Variants in LRRC4C observed in about 807,000 individuals in gnomAD.
LRRC4C encodes leucine-rich repeat-containing protein 4C.
A neutral mutation model predicts 33.6 loss-of-function variants in LRRC4C; 5 were observed. That is an observed-to-expected ratio of 0.15 (90% CI 0.08 to 0.31). The LOEUF (loss-of-function observed/expected upper bound fraction) is 0.31. LRRC4C is among the 10% of genes least tolerant of loss of function. LRRC4C has a pLI of 1.00. For missense variants in LRRC4C, 560 were observed against 796.7 expected, an observed-to-expected ratio of 0.70 and a Z score of 3.58; for synonymous variants, 329 against 302.0, an observed-to-expected ratio of 1.09 and a Z score of -0.93.
intron 1 of LRRC4C, among the ~76,000 whole-genome samples, chr11:41,355,087 C>T (rs928741547): frequency 1.3e-5 from 2 of 152,018 alleles, no homozygotes; most frequent in African/African-American, 4.8e-5. Flanking sequence ...TATGTGCTAA[C>T]TCTGCATGTG....
At chr11:41,416,599 A>G (rs535952928) in intron 1 of LRRC4C, among the ~76,000 whole-genome samples, 2 of 152,050 alleles carry the variant, frequency 1.3e-5, no homozygotes, top group East Asian at 3.9e-4. Flanking sequence ...TCTTTTCTGA[A>G]TCTCATGGCT....
chr11:40,814,420 G>A (rs184350280), intron 2 of LRRC4C, among the ~76,000 whole-genome samples: 1 of 152,102 alleles, frequency 6.6e-6, no homozygotes, highest in Admixed American at 6.6e-5. Context: ...CACAGTAGGG[G>A]GACCCTGGAC....
chr11:41,405,102 A>G (rs1316911480), intron 1 of LRRC4C, among the ~76,000 whole-genome samples: 1 of 152,150 alleles, frequency 6.6e-6, no homozygotes, highest in Non-Finnish European at 1.5e-5. Context: ...ATATGATTAG[A>G]GCTTTTTGGA....
intron 1 of LRRC4C, among the ~76,000 whole-genome samples, chr11:41,021,212 AGAGTGTGT>A (rs1200681471): frequency 7.5e-6 from 1 of 133,580 alleles, no homozygotes; most frequent in African/African-American, 2.9e-5. Context: ...AGAGAGAGAG[AGAGTGTGT>A]GTGTGTGTGT....
chr11:40,737,449 T>C (rs557296993), intron 2 of LRRC4C, among the ~76,000 whole-genome samples: 12 of 152,160 alleles, frequency 7.9e-5, no homozygotes, highest in Non-Finnish European at 1.8e-4. Flanking sequence ...GCAGATGACA[T>C]GATTGTATAT....
intron 2 of LRRC4C, among the ~76,000 whole-genome samples, chr11:40,750,659 G>T (rs1948645845): frequency 8.8e-6 from 1 of 114,026 alleles, no homozygotes; most frequent in Non-Finnish European, 1.7e-5. Context: ...GTTGTGGGGT[G>T]GGGGGAGGGG....
intron 1 of LRRC4C, among the ~76,000 whole-genome samples, chr11:41,295,365 G>A (rs115955402): frequency 0.015 from 2,333 of 152,246 alleles, 52 homozygotes; most frequent in African/African-American, 0.052. Flanking sequence ...AAAGCAGATA[G>A]TAAATAAAAT....
intron 2 of LRRC4C, among the ~76,000 whole-genome samples, chr11:40,797,243 G>A (rs1256449548): frequency 6.6e-6 from 1 of 152,036 alleles, no homozygotes; most frequent in African/African-American, 2.4e-5. Flanking sequence ...CTCTGATTGG[G>A]ATATAAAAAT....
chr11:41,122,489 A>AAT (rs1555081256), intron 1 of LRRC4C, among the ~76,000 whole-genome samples: 7 of 151,864 alleles, frequency 4.6e-5, no homozygotes, highest in South Asian at 2.1e-4. Context: ...TTCAACTGAT[A>AAT]ATATATATAT....
intron 3 of LRRC4C, among the ~76,000 whole-genome samples, chr11:40,421,226 A>G (rs1022439013): frequency 2.0e-5 from 3 of 152,216 alleles, no homozygotes; most frequent in African/African-American, 7.2e-5. Context: ...GCTGAATTCA[A>G]TAGGACAGAT....
At chr11:40,834,729 G>C (rs1453472214) in intron 2 of LRRC4C, among the ~76,000 whole-genome samples, 1 of 152,016 alleles carries the variant, frequency 6.6e-6, no homozygotes, top group Non-Finnish European at 1.5e-5. Context: ...AATGGACACA[G>C]GCTAAACACA....
intron 3 of LRRC4C, among the ~76,000 whole-genome samples, chr11:40,449,187 G>C (rs1951778116): frequency 1.3e-5 from 2 of 152,004 alleles, no homozygotes; most frequent in Non-Finnish European, 2.9e-5. Context: ...CTTCAATTCT[G>C]TAGGTTGTTC....
chr11:40,410,145 A>C (rs1342995828), intron 3 of LRRC4C, among the ~76,000 whole-genome samples: 1 of 152,076 alleles, frequency 6.6e-6, no homozygotes, highest in East Asian at 1.9e-4. Flanking sequence ...TTACAGAAAA[A>C]AAAAATTGCT....
At chr11:40,666,478 G>T (rs913460545) in intron 2 of LRRC4C, among the ~76,000 whole-genome samples, 66 of 152,160 alleles carry the variant, frequency 4.3e-4, no homozygotes, top group African/African-American at 1.5e-3. Context: ...TTAATAAAAT[G>T]AACTTGACAA....
intron 3 of LRRC4C, among the ~76,000 whole-genome samples, chr11:40,420,297 A>G (rs769818053): frequency 9.9e-5 from 15 of 152,120 alleles, no homozygotes; most frequent in Non-Finnish European, 1.6e-4. Context: ...CCAGTGTTTG[A>G]GCATAGCAGG....
At chr11:41,422,385 G>T (rs914824276) in intron 1 of LRRC4C, among the ~76,000 whole-genome samples, 2 of 152,070 alleles carry the variant, frequency 1.3e-5, no homozygotes, top group East Asian at 1.9e-4. Flanking sequence ...AGGGAGATCT[G>T]CCAGTGGCAG....
chr11:40,277,157 C>T (rs949278446), intron 4 of LRRC4C, among the ~76,000 whole-genome samples: 3 of 152,094 alleles, frequency 2.0e-5, no homozygotes, highest in African/African-American at 7.2e-5. Context: ...AGTATCACCA[C>T]ATCTTAAGGA....
At chr11:40,263,681 A>G (rs1942033618) in intron 4 of LRRC4C, among the ~76,000 whole-genome samples, 1 of 152,164 alleles carries the variant, frequency 6.6e-6, no homozygotes, top group Non-Finnish European at 1.5e-5. Flanking sequence ...AATAGAGACC[A>G]TGGGTACTCA....
At chr11:41,456,855 A>T (rs1956185282) in intron 1 of LRRC4C, among the ~76,000 whole-genome samples, 1 of 152,184 alleles carries the variant, frequency 6.6e-6, no homozygotes, top group African/African-American at 2.4e-5. Flanking sequence ...GCTGTTTATC[A>T]TTGCTCTGGC....
Sources: gnomAD v4.1 joint callset for allele counts (sites outside exome capture counted in the v4.1 genomes callset) on GRCh38, gnomAD v4.1.1 for gene constraint, MANE v1.5 for transcripts, NCBI Gene and HGNC (gene_info 2026-07-23, HGNC 2026-07-21) for gene names.